The following SLC22A3 variants were observed in gnomAD, a reference collection of about 807,000 sequenced individuals.
The protein encoded by SLC22A3 is EMT organic cation transporter 3.
A neutral mutation model predicts 59.1 loss-of-function variants in SLC22A3; 51 were observed. The observed-to-expected ratio is 0.86, with a 90% CI of 0.69 to 1.09. The LOEUF (loss-of-function observed/expected upper bound fraction) is 1.09. SLC22A3 is among the 50% of genes least tolerant of loss of function. SLC22A3 has a pLI of 0.00. For synonymous variants in SLC22A3, 325 were observed against 292.0 expected (o/e 1.11, Z -1.15); for missense variants, 711 against 726.3 (o/e 0.98, Z 0.24).
chr6:160,406,413 G>T (rs1369720506), intron 2 of SLC22A3, among the ~76,000 whole-genome samples: 2 of 152,156 alleles, frequency 1.3e-5, no homozygotes, highest in African/African-American at 4.8e-5. Flanking sequence ...ATGTTACCTT[G>T]TTCCTTTTCC....
At chr6:160,366,539 G>A (rs919155210) in intron 1 of SLC22A3, among the ~76,000 whole-genome samples, 34 of 152,166 alleles carry the variant, frequency 2.2e-4, no homozygotes, top group African/African-American at 8.2e-4. Flanking sequence ...CTGGGTTCTG[G>A]AGGACAGTGG....
intron 5 of SLC22A3, among the ~76,000 whole-genome samples, chr6:160,424,057 T>A (rs893920385): frequency 6.6e-6 from 1 of 152,188 alleles, no homozygotes; most frequent in Admixed American, 6.5e-5. Flanking sequence ...TCTTTAGTGA[T>A]GAACATGGAG....
At chr6:160,439,947 G>A (rs934735624) in intron 7 of SLC22A3, among the ~76,000 whole-genome samples, 2 of 152,280 alleles carry the variant, frequency 1.3e-5, no homozygotes, top group African/African-American at 2.4e-5. Flanking sequence ...CATTCCTGAC[G>A]TCAGTAGTAG....
intron 5 of SLC22A3, among the ~76,000 whole-genome samples, chr6:160,426,891 C>T (rs1787979171): frequency 6.6e-6 from 1 of 152,200 alleles, no homozygotes; most frequent in Admixed American, 6.5e-5. Flanking sequence ...AGCTTGCTTT[C>T]TGTGTCTACC....
rs180904688 is a variant in SLC22A3 at position 160,398,009 on chromosome 6, C to G, written c.460C>G (p.Leu154Val). Residue 154 changes from leucine to valine, a missense_variant, in exon 2 of 11, where the codon CTG becomes GTG. Coordinates refer to ENST00000275300, the MANE Select transcript of SLC22A3 (RefSeq NM_021977.4). ...FDLVCVNAWM[L>V]DLTQAILNLG... The stretch of plus-strand genomic sequence containing the variant: ...CCTTGTCTGTGTCAATGCGTGGATG[C>G]TGGACCTCACCCAAGCCATCCTGAA... 7.4e-6 allele frequency: 12 copies of G among 1,613,646 alleles called. No individual in the cohort carries two copies. In the Admixed American group the frequency reaches 1.8e-4, roughly 25 times the overall value.
rs557811476 is a variant in SLC22A3 at position 160,452,407 on chromosome 6, A to G, written c.*1351A>G. On this transcript the variant is annotated 3_prime_UTR_variant, in exon 11 of 11. Coordinates refer to ENST00000275300, the MANE Select transcript of SLC22A3 (RefSeq NM_021977.4). ...TACGAATAATCTATTTGTCGATGAA[A>G]TAAACACAACTCTTTGAGGATTTGA... is the stretch of plus-strand genomic sequence containing the variant. 6.6e-5 allele frequency: 10 copies of G among 152,328 alleles called. No homozygotes were observed. The highest frequency in any genetic ancestry group is 2.4e-4 in the African/African-American group (10 of 41,580). 9.4% of individuals were successfully genotyped at this position (152,328 alleles called of 1,614,324 possible).
intron 5 of SLC22A3, among the ~76,000 whole-genome samples, chr6:160,421,007 G>GTCCT (rs1787711574): frequency 6.6e-6 from 1 of 152,176 alleles, no homozygotes; most frequent in Non-Finnish European, 1.5e-5. Flanking sequence ...CTGGTCCTGA[G>GTCCT]TCCTTGCCCA....
At chr6:160,358,588 C>A (rs1316079126) in intron 1 of SLC22A3, among the ~76,000 whole-genome samples, 1 of 152,164 alleles carries the variant, frequency 6.6e-6, no homozygotes, top group African/African-American at 2.4e-5. Context: ...CCAGATTTGG[C>A]AAGATTTCTC....
At chr6:160,364,840 A>G (rs1785148211) in intron 1 of SLC22A3, among the ~76,000 whole-genome samples, 1 of 152,206 alleles carries the variant, frequency 6.6e-6, no homozygotes, top group Non-Finnish European at 1.5e-5. Flanking sequence ...ACCTTCCTCC[A>G]TATGAATAAT....
intron 5 of SLC22A3, among the ~76,000 whole-genome samples, chr6:160,418,224 T>G (rs1583494993): frequency 6.6e-6 from 1 of 152,058 alleles, no homozygotes; most frequent in Non-Finnish European, 1.5e-5. Context: ...CAGAAAAAGG[T>G]GGGATAGGAT....
intron 1 of SLC22A3, among the ~76,000 whole-genome samples, chr6:160,365,813 G>A (rs1319097787): frequency 6.6e-6 from 1 of 152,044 alleles, no homozygotes; most frequent in African/African-American, 2.4e-5. Context: ...AGAATGTTTG[G>A]GGAGGCCTCA....
At chr6:160,398,165 TA>T in intron 2 of SLC22A3, 83 bp downstream of exon 2, 1 of 1,022,642 alleles carries the variant, frequency 9.8e-7, no homozygotes, top group South Asian at 1.3e-5. Context: ...TGTTAACTAT[TA>T]AAACAATATT....
rs561131736 is a variant in SLC22A3 at position 160,356,173 on chromosome 6, G to A, written c.429+7325G>A. On this transcript the variant is annotated intron_variant, in intron 1 of 10. Transcript: ENST00000275300. ...GTGTTGCTTCCTGTTGACTCCTAAC[G>A]CCGATTCCTTGCCTCATCCTCCGCC... Among the ~76,000 whole-genome samples, 180 of 152,212 alleles carry A rather than the reference G, an allele frequency of 1.2e-3. 2 individuals carry two copies. The highest frequency in any genetic ancestry group is 3.7e-3 in the African/African-American group (155 of 41,526).
intron 1 of SLC22A3, among the ~76,000 whole-genome samples, chr6:160,382,852 A>G (rs201109469): frequency 1.6e-4 from 25 of 152,364 alleles, no homozygotes; most frequent in Middle Eastern, 3.4e-3. Flanking sequence ...GAGAAATTAC[A>G]TTATTAAAAA....
chr6:160,414,688 G>A (rs577674002), intron 5 of SLC22A3, among the ~76,000 whole-genome samples: 2 of 152,188 alleles, frequency 1.3e-5, no homozygotes, highest in East Asian at 3.9e-4. Context: ...CCGAGCAAAG[G>A]GGAAAGCCCC....
chr6:160,360,461 A>T (rs114165895), intron 1 of SLC22A3, among the ~76,000 whole-genome samples: 1 of 152,220 alleles, frequency 6.6e-6, no homozygotes, highest in African/African-American at 2.4e-5. Context: ...TCTGTCTTAA[A>T]AAAAGGATAT....
intron 1 of SLC22A3, among the ~76,000 whole-genome samples, chr6:160,366,821 G>T (rs1583449683): frequency 6.6e-6 from 1 of 152,240 alleles, no homozygotes; most frequent in Non-Finnish European, 1.5e-5. Context: ...CCTCAGCCTG[G>T]ATTCCATTGT....
At chr6:160,420,665 G>T (rs9457920) in intron 5 of SLC22A3, among the ~76,000 whole-genome samples, 2,800 of 152,288 alleles carry the variant, frequency 0.018, 69 homozygotes, top group African/African-American at 0.063. Context: ...GGGAGTTTCA[G>T]AGCTAACACC....
Position 160,451,022 on chromosome 6 carries a change from A to C in SLC22A3, c.1637A>C (p.Asn546Thr). ...CCACATTCCTGTAAATGTGGCAGGA[A>C]TAAGAAAACCCCAGTTTCCCGCTCT... ...GSPHSCKCGR[N>T]KKTPVSRSHL The change falls in exon 11 of 11, where the codon AAT (asparagine) becomes ACT (threonine). Residue 546 changes from asparagine to threonine, a missense_variant. Asn to Thr is a moderately conservative substitution (Grantham distance 65). Coordinates refer to ENST00000275300, the MANE Select transcript of SLC22A3 (RefSeq NM_021977.4). 2 of 1,596,168 alleles carry C rather than the reference A, an allele frequency of 1.3e-6. No individual in the cohort carries two copies. Among genetic ancestry groups the C allele is most frequent in the Non-Finnish European group, 1.7e-6 (2 of 1,169,588 alleles).
Sources: gnomAD v4.1 joint callset for allele counts (sites outside exome capture counted in the v4.1 genomes callset) on GRCh38, gnomAD v4.1.1 for gene constraint, MANE v1.5 for transcripts, NCBI Gene and HGNC (gene_info 2026-07-23, HGNC 2026-07-21) for gene names.